The following LIN7C variants were observed in gnomAD, a reference collection of about 807,000 sequenced individuals.
LIN7C encodes protein lin-7 homolog C.
A neutral mutation model predicts 24.7 loss-of-function variants in LIN7C; 17 were observed. The observed-to-expected ratio is 0.69, with a 90% CI of 0.47 to 1.03. LIN7C has a LOEUF of 1.03. LIN7C is among the 50% of genes least tolerant of loss of function. The pLI, the probability that LIN7C is intolerant of heterozygous loss-of-function variation, is 0.00. For synonymous variants in LIN7C, 90 were observed against 83.4 expected (o/e 1.08, Z -0.43); for missense variants, 204 against 239.0 (o/e 0.85, Z 0.97).
chr11:27,499,634 T>C (rs976661719), intron 3 of LIN7C, 66 bp from the exon 4 acceptor site: 11 of 1,417,652 alleles, frequency 7.8e-6, no homozygotes, highest in Non-Finnish European at 9.7e-6. Context: ...ATCTTTTGTT[T>C]CCCCCCGAGA....
At chr11:27,501,253 G>A (rs1240298592) in intron 3 of LIN7C, among the ~76,000 whole-genome samples, 3 of 151,962 alleles carry the variant, frequency 2.0e-5, no homozygotes, top group African/African-American at 7.3e-5. Flanking sequence ...TTGTATGCAA[G>A]TACATTTCTA....
At chr11:27,505,901 T>C (rs1021513765) in intron 1 of LIN7C, among the ~76,000 whole-genome samples, 2 of 152,338 alleles carry the variant, frequency 1.3e-5, no homozygotes, top group Admixed American at 1.3e-4. Context: ...CAGAGTGGAA[T>C]GCTGGAAATC....
Position 27,498,376 on chromosome 11 carries a change from C to A in LIN7C, c.*273G>T. 1 of 293,572 alleles carries A rather than the reference C, an allele frequency of 3.4e-6. No homozygotes were observed. Among genetic ancestry groups the A allele is most frequent in the Non-Finnish European group, 6.2e-6 (1 of 162,054 alleles). 18.2% of individuals were successfully genotyped at this position (293,572 alleles called of 1,614,324 possible). On this transcript the variant is annotated 3_prime_UTR_variant, in exon 5 of 5. Transcript: ENST00000278193. ...AAAAAGCATTTTAAAAAATCTATAA[C>A]AACTTTATGACAAAATCTGCATTTG...
Position 27,497,339 on chromosome 11 carries a change from T to G in LIN7C, c.*1310A>C, listed in dbSNP as rs558246078. 4.6e-5 allele frequency: 7 copies of G among 152,688 alleles called. No homozygotes were observed. Among genetic ancestry groups the G allele is most frequent in the Non-Finnish European group, 8.8e-5 (6 of 67,972 alleles). The allele number at this position is 152,688 out of a possible 1,614,324, so 9.5% of individuals were successfully genotyped here. The stretch of plus-strand genomic sequence containing the variant: ...CATCTTCTAACATTTGTCACTTAAA[T>G]TTTTCTTAAAGTACAAATGTTCCTG... On this transcript the variant is annotated 3_prime_UTR_variant, in exon 5 of 5. Coordinates refer to ENST00000278193, the MANE Select transcript of LIN7C (RefSeq NM_018362.4).
chr11:27,503,220 G>C (rs1199595966), intron 1 of LIN7C, among the ~76,000 whole-genome samples: 1 of 152,218 alleles, frequency 6.6e-6, no homozygotes, highest in Non-Finnish European at 1.5e-5. Flanking sequence ...TTCTCACTGA[G>C]AAGTGTGAGG....
intron 1 of LIN7C, among the ~76,000 whole-genome samples, chr11:27,503,782 G>T (rs772756315): frequency 6.6e-6 from 1 of 151,268 alleles, no homozygotes; most frequent in South Asian, 2.1e-4. Context: ...AAGGTGCTGG[G>T]ATTACAGGCT....
chr11:27,503,567 GC>G (rs1865245477), intron 1 of LIN7C, among the ~76,000 whole-genome samples: 1 of 152,194 alleles, frequency 6.6e-6, no homozygotes, highest in Admixed American at 6.5e-5. Context: ...AGGCTGGAGT[GC>G]AGTGGCGCAA....
rs915558755 is a variant in LIN7C at position 27,495,739 on chromosome 11, A to T, written c.*2910T>A. ...ATTTAAATTACTGGTAGATTTTATTAAAAAAAAGAAAAAAGAAAAAAAAAG... is the reference window on the plus strand; with the variant it reads ...ATTTAAATTACTGGTAGATTTTATTTAAAAAAAGAAAAAAGAAAAAAAAAG... On this transcript the variant is annotated 3_prime_UTR_variant, in exon 5 of 5. Transcript: ENST00000278193. The T allele has an allele frequency of 1.1e-4, 17 of 151,800 alleles. No homozygotes were observed. The highest frequency in any genetic ancestry group is 4.1e-4 in the African/African-American group (17 of 41,336). 9.4% of individuals were successfully genotyped at this position (151,800 alleles called of 1,614,324 possible). A position where few individuals can be genotyped will look rare whatever the true frequency, so the allele number is the denominator to read the frequency against.
At chr11:27,498,900 A>G (rs901840155) in intron 4 of LIN7C, 96 bp from the exon 5 acceptor site, 2 of 1,030,700 alleles carry the variant, frequency 1.9e-6, no homozygotes, top group African/African-American at 3.3e-5. Context: ...AATGAAGAAA[A>G]GTTTTAATGT....
intron 1 of LIN7C, among the ~76,000 whole-genome samples, chr11:27,502,734 A>G (rs1368941618): frequency 6.6e-6 from 1 of 152,134 alleles, no homozygotes; most frequent in Admixed American, 6.5e-5. Flanking sequence ...AAGAGTTATG[A>G]GTTCAGTTAA....
At chr11:27,504,278 A>G (rs1565114624) in intron 1 of LIN7C, among the ~76,000 whole-genome samples, 1 of 152,200 alleles carries the variant, frequency 6.6e-6, no homozygotes, top group African/African-American at 2.4e-5. Flanking sequence ...TTATAAAGTT[A>G]TAATATATAA....
chr11:27,499,218 G>C (rs183304677), intron 4 of LIN7C, 141 bp downstream of exon 4: 2 of 643,704 alleles, frequency 3.1e-6, no homozygotes, highest in Admixed American at 5.9e-5. Flanking sequence ...TAAAAAAAAG[G>C]ATCACTGTAT....
intron 3 of LIN7C, among the ~76,000 whole-genome samples, chr11:27,500,837 TTAAG>T (rs1208880898): frequency 6.6e-6 from 1 of 152,146 alleles, no homozygotes; most frequent in Non-Finnish European, 1.5e-5. Context: ...ATCCACATGT[TTAAG>T]TATTTGTATT....
intron 1 of LIN7C, among the ~76,000 whole-genome samples, chr11:27,505,924 G>A (rs2133493597): frequency 6.6e-6 from 1 of 152,296 alleles, no homozygotes; most frequent in Admixed American, 6.5e-5. Flanking sequence ...TAAAAGGACT[G>A]GAAACGCTGG....
chr11:27,503,084 C>G (rs965410584), intron 1 of LIN7C, among the ~76,000 whole-genome samples: 3 of 152,096 alleles, frequency 2.0e-5, no homozygotes, highest in African/African-American at 7.2e-5. Flanking sequence ...CACTGCACTC[C>G]AGCCTGGGTG....
chr11:27,503,455 T>A (rs1865244604), intron 1 of LIN7C, among the ~76,000 whole-genome samples: 1 of 152,234 alleles, frequency 6.6e-6, no homozygotes. Flanking sequence ...TTTATAGAGT[T>A]AGTATGGCCT....
intron 1 of LIN7C, 115 bp from the exon 2 acceptor site, chr11:27,502,035 G>C (rs954565592): frequency 3.1e-6 from 2 of 646,878 alleles, no homozygotes; most frequent in African/African-American, 3.7e-5. Flanking sequence ...GACAATCGAG[G>C]GGAAAAAAAG....
At chr11:27,506,547 G>A (rs986099214) in intron 1 of LIN7C, among the ~76,000 whole-genome samples, 169 bp downstream of exon 1, 2 of 152,290 alleles carry the variant, frequency 1.3e-5, no homozygotes, top group Middle Eastern at 3.4e-3. Flanking sequence ...ACAAAATACC[G>A]TAAGCGCCCT....
chr11:27,503,739 C>A (rs1277104223), intron 1 of LIN7C, among the ~76,000 whole-genome samples: 1 of 152,066 alleles, frequency 6.6e-6, no homozygotes, highest in Non-Finnish European at 1.5e-5. Context: ...GCCTCAAACT[C>A]CTGACTTCAT....
Sources: gnomAD v4.1 joint callset for allele counts (sites outside exome capture counted in the v4.1 genomes callset) on GRCh38, gnomAD v4.1.1 for gene constraint, MANE v1.5 for transcripts, NCBI Gene and HGNC (gene_info 2026-07-23, HGNC 2026-07-21) for gene names.